The following EHMT1 variants were observed in gnomAD, a reference collection of about 807,000 sequenced individuals.
EHMT1 encodes the protein histone-lysine N-methyltransferase EHMT1.
In EHMT1, 15 loss-of-function variants were observed where a neutral mutation model predicts 147.2. That is an observed-to-expected ratio of 0.10 (90% confidence interval 0.07 to 0.16). The LOEUF is 0.16. EHMT1 is among the 10% of genes least tolerant of loss of function. The pLI, the probability that EHMT1 is intolerant of heterozygous loss-of-function variation, is 1.00. For synonymous variants in EHMT1, 795 were observed against 709.6 expected, an observed-to-expected ratio of 1.12 and a Z score of -1.91; for missense variants, 1,587 against 1,772.4, an observed-to-expected ratio of 0.90 and a Z score of 1.88.
intron 3 of EHMT1, chr9:137,717,396 A>G (rs1035800012): frequency 2.1e-5 from 14 of 676,616 alleles, no homozygotes; most frequent in South Asian, 7.2e-5. Context: ...TGAGCCTAGG[A>G]GTTTGAGACC....
chr9:137,701,498 G>A (rs768405940), intron 1 of EHMT1, among the ~76,000 whole-genome samples: 1 of 151,432 alleles, frequency 6.6e-6, no homozygotes, highest in African/African-American at 2.4e-5. Context: ...TGCTCTTGTC[G>A]CCCAGGCTGG....
chr9:137,763,271 G>T (rs576153217), intron 10 of EHMT1: 1 of 303,654 alleles, frequency 3.3e-6, no homozygotes, highest in African/African-American at 2.1e-5. Flanking sequence ...AGAGGGTTCA[G>T]CACGTCCCGT....
At chr9:137,708,746 C>T (rs1944451655) in intron 1 of EHMT1, among the ~76,000 whole-genome samples, 1 of 152,170 alleles carries the variant, frequency 6.6e-6, no homozygotes, top group Non-Finnish European at 1.5e-5. Flanking sequence ...TGCCAGATGT[C>T]CAGGTCTGAC....
intron 22 of EHMT1, 122 bp from the exon 23 acceptor site, chr9:137,815,825 C>A: frequency 1.1e-6 from 1 of 873,464 alleles, no homozygotes; most frequent in Non-Finnish European, 1.9e-6. Context: ...CAAGTTTGGC[C>A]AGAAACCATC....
intron 6 of EHMT1, among the ~76,000 whole-genome samples, chr9:137,750,631 C>T (rs1018884959): frequency 6.6e-6 from 1 of 152,168 alleles, no homozygotes; most frequent in African/African-American, 2.4e-5. Context: ...CAGAACAGCT[C>T]CCATCAAGAT....
At chr9:137,780,803 CATCTCACT>C (rs2136817639) in intron 14 of EHMT1, among the ~76,000 whole-genome samples, 1 of 78,058 alleles carries the variant, frequency 1.3e-5, no homozygotes, top group Non-Finnish European at 2.4e-5. Context: ...GTGATGACGG[CATCTCACT>C]GAGATGTGTG....
intron 1 of EHMT1, among the ~76,000 whole-genome samples, chr9:137,635,595 T>A (rs754742004): frequency 2.0e-5 from 3 of 150,902 alleles, no homozygotes; most frequent in East Asian, 2.1e-4. Flanking sequence ...CCGAGGTGGG[T>A]GGATCACGAG....
intron 16 of EHMT1, chr9:137,795,157 C>A (rs1347130011): frequency 6.6e-6 from 1 of 152,168 alleles, no homozygotes; most frequent in Non-Finnish European, 1.5e-5. Context: ...GAGTGAAGTT[C>A]TTCTGCCATA....
chr9:137,742,696 C>T (rs1015051082), intron 4 of EHMT1, among the ~76,000 whole-genome samples: 13 of 152,210 alleles, frequency 8.5e-5, no homozygotes, highest in Non-Finnish European at 5.9e-5. Context: ...ACATTTGCTT[C>T]TCCCTCTCAG....
At chr9:137,707,775 G>A (rs1360918665) in intron 1 of EHMT1, among the ~76,000 whole-genome samples, 2 of 152,242 alleles carry the variant, frequency 1.3e-5, no homozygotes, top group Non-Finnish European at 2.9e-5. Flanking sequence ...TTTGGCGGGT[G>A]CCTCCAGGAG....
intron 18 of EHMT1, among the ~76,000 whole-genome samples, chr9:137,805,418 A>G (rs1184282781): frequency 6.6e-6 from 1 of 152,184 alleles, no homozygotes; most frequent in African/African-American, 2.4e-5. Flanking sequence ...AGTTGTCCAC[A>G]TGTGTGTAAA....
chr9:137,704,004 G>T (rs2135235246), intron 1 of EHMT1, among the ~76,000 whole-genome samples: 1 of 152,258 alleles, frequency 6.6e-6, no homozygotes, highest in East Asian at 1.9e-4. Flanking sequence ...AATCATGGCG[G>T]GAGGGCAAAG....
intron 8 of EHMT1, among the ~76,000 whole-genome samples, chr9:137,755,029 G>A (rs1424369308): frequency 6.6e-6 from 1 of 152,226 alleles, no homozygotes; most frequent in African/African-American, 2.4e-5. Flanking sequence ...ACCCAGAAGG[G>A]ATGCAGCAGG....
intron 1 of EHMT1, among the ~76,000 whole-genome samples, chr9:137,698,882 A>T (rs1588229905): frequency 1.3e-5 from 2 of 152,088 alleles, no homozygotes; most frequent in East Asian, 3.8e-4. Context: ...TAGGAATCTT[A>T]TAAAGGGCAG....
intron 1 of EHMT1, among the ~76,000 whole-genome samples, chr9:137,673,532 G>A (rs1189059694): frequency 3.9e-5 from 6 of 152,190 alleles, no homozygotes; most frequent in Middle Eastern, 3.4e-3. Flanking sequence ...GTGAAGCTCC[G>A]GCCTCGAGGA....
Position 137,787,808 on chromosome 9 carries a change from T to A in EHMT1, c.2383-3040T>A. 2.2e-6 allele frequency: 2 copies of A among 893,052 alleles called. No individual in the cohort carries two copies. Among genetic ancestry groups the A allele is most frequent in the South Asian group, 2.6e-5 (2 of 76,828 alleles). The allele number at this position is 893,052 out of a possible 1,614,324, so 55.3% of individuals were successfully genotyped here. A position where few individuals can be genotyped will look rare whatever the true frequency, so the allele number is the denominator to read the frequency against. ...ATCCCAGCCCTGGGGGCCCTCAGGT[T>A]TCAGGGGCCACCCCCCAGTAGGCAG... is the stretch of plus-strand genomic sequence containing the variant. On this transcript the variant is annotated intron_variant, in intron 15 of 26. Transcript: ENST00000460843. This position sits in a 1 kb window ranked among gnomAD's most constrained non-coding sequence, Gnocchi z 4.2.
At position 137,707,448 on chromosome 9, in the gene EHMT1, G is replaced by A. The variant is rs188493930; in HGVS notation, c.22-3519G>A. Among the ~76,000 whole-genome samples the A allele has an allele frequency of 1.5e-4, 23 of 152,210 alleles. No individual in the cohort carries two copies. The East Asian group carries it at 2.1e-3, about 14-fold the overall frequency. ...CTCCCCGGTGCCCCCTTTTCCTTTC[G>A]CCTCTGCCCTGGGCCATCCTCAGCT... On this transcript the variant is annotated intron_variant, in intron 1 of 26. Transcript: ENST00000460843.
At chr9:137,753,039 A>T (rs1053171558) in intron 7 of EHMT1, among the ~76,000 whole-genome samples, 3 of 152,072 alleles carry the variant, frequency 2.0e-5, no homozygotes, top group Non-Finnish European at 4.4e-5. Context: ...TGGGTGTTGG[A>T]AATGGGTAAG....
chr9:137,825,649 C>T (rs1050456564), intron 25 of EHMT1, among the ~76,000 whole-genome samples: 1 of 152,170 alleles, frequency 6.6e-6, no homozygotes, highest in Non-Finnish European at 1.5e-5. Context: ...CATATTTTTC[C>T]TCTTGTTGCT....
Sources: gnomAD v4.1 joint callset for allele counts (sites outside exome capture counted in the v4.1 genomes callset) on GRCh38, gnomAD v4.1.1 for gene constraint, Gnocchi (gnomAD v3.1) non-coding constraint, MANE v1.5 for transcripts, NCBI Gene and HGNC (gene_info 2026-07-23, HGNC 2026-07-21) for gene names.